The following UNC13C variants were observed in gnomAD, a reference collection of about 807,000 sequenced individuals.
UNC13C encodes the protein protein unc-13 homolog C.
UNC13C carries 174 observed loss-of-function variants against 245.4 expected under a neutral mutation model. That is an observed-to-expected ratio of 0.71 (90% confidence interval 0.63 to 0.80). The LOEUF is 0.80. Among genes scored for constraint, UNC13C ranks in the 30% least tolerant of loss-of-function variants. UNC13C has a pLI of 0.00. For missense variants in UNC13C, 2,829 were observed against 2,602.9 expected (o/e 1.09, Z -1.89); for synonymous variants, 992 against 895.1 (o/e 1.11, Z -1.93).
At position 54,389,982 on chromosome 15, in the gene UNC13C, G is replaced by A. The variant is rs377143402; in HGVS notation, c.4714-3066G>A. ...GACTTCAGGTAATCCACCTACCTCA[G>A]CCTCCCAAAGTGCTGGGATTACAGG... On this transcript the variant is annotated intron_variant, in intron 17 of 32. Coordinates refer to ENST00000260323, the MANE Select transcript of UNC13C (RefSeq NM_001080534.3). Among the ~76,000 whole-genome samples, 39 of 152,160 alleles carry A rather than the reference G, an allele frequency of 2.6e-4. No homozygotes were observed. In the South Asian group the frequency reaches 7.9e-3, roughly 31 times the overall value.
chr15:54,236,932 A>G (rs987101506), intron 6 of UNC13C, among the ~76,000 whole-genome samples: 2 of 152,076 alleles, frequency 1.3e-5, no homozygotes, highest in Admixed American at 6.5e-5. Context: ...CTGATTTCCA[A>G]CGTTCTCCAT....
intron 2 of UNC13C, among the ~76,000 whole-genome samples, chr15:54,036,621 G>C (rs1427001610): frequency 6.6e-6 from 1 of 152,100 alleles, no homozygotes; most frequent in African/African-American, 2.4e-5. Context: ...TTCTGCTTTG[G>C]CCTGAGCCTG....
At chr15:54,487,691 C>CAGG (rs1463374765) in intron 19 of UNC13C, among the ~76,000 whole-genome samples, 2 of 144,566 alleles carry the variant, frequency 1.4e-5, no homozygotes, top group East Asian at 4.1e-4. Flanking sequence ...TGCTTGACCT[C>CAGG]AGGAGGTGGA....
chr15:54,098,757 C>T (rs1435022096), intron 2 of UNC13C, among the ~76,000 whole-genome samples: 2 of 152,152 alleles, frequency 1.3e-5, no homozygotes, highest in East Asian at 1.9e-4. Flanking sequence ...ACCAGTAAAA[C>T]ATTTTGACCA....
intron 27 of UNC13C, among the ~76,000 whole-genome samples, chr15:54,547,087 A>G (rs571716443): frequency 1.3e-5 from 2 of 152,204 alleles, no homozygotes; most frequent in Admixed American, 1.3e-4. Context: ...AACATGTATC[A>G]AAGTTCTATT....
At chr15:54,481,605 G>T (rs1893123279) in intron 19 of UNC13C, among the ~76,000 whole-genome samples, 2 of 152,080 alleles carry the variant, frequency 1.3e-5, no homozygotes, top group Admixed American at 1.3e-4. Context: ...GGTGAGGCTG[G>T]GCTCTCAAAA....
At chr15:53,922,334 A>T in the UNC13C span, among the ~76,000 whole-genome samples, 32 of 152,358 alleles carry the variant, frequency 2.1e-4, no homozygotes, top group Non-Finnish European at 4.4e-4. Flanking sequence ...TTTAATCGAT[A>T]TTAATAGTTT....
chr15:54,473,878 C>G (rs1435351885), intron 19 of UNC13C, among the ~76,000 whole-genome samples: 1 of 147,766 alleles, frequency 6.8e-6, no homozygotes, highest in Non-Finnish European at 1.5e-5. Context: ...CATCTTTCCC[C>G]CTCCTACCTT....
chr15:54,219,314 T>A (rs1391920366), intron 4 of UNC13C, among the ~76,000 whole-genome samples: 39 of 151,428 alleles, frequency 2.6e-4, no homozygotes, highest in Non-Finnish European at 3.6e-4. Context: ...AACTATCTGA[T>A]CTTTGACAAA....
intron 30 of UNC13C, among the ~76,000 whole-genome samples, chr15:54,581,183 A>G (rs1162449166): frequency 6.6e-6 from 1 of 152,150 alleles, no homozygotes; most frequent in Non-Finnish European, 1.5e-5. Context: ...GGGAAGATGT[A>G]TGGTTCAAAG....
At chr15:53,904,682 AAAT>A in the UNC13C span, among the ~76,000 whole-genome samples, 1 of 152,174 alleles carries the variant, frequency 6.6e-6, no homozygotes, top group Non-Finnish European at 1.5e-5. Flanking sequence ...TTCTTGAATA[AAAT>A]GTTATTTTCA....
At chr15:53,848,887 C>T in the UNC13C span, among the ~76,000 whole-genome samples, 1 of 151,374 alleles carries the variant, frequency 6.6e-6, no homozygotes, top group Admixed American at 6.6e-5. Flanking sequence ...ACATTACCAG[C>T]TTCTCTCTCT....
chr15:54,433,251 G>C (rs1404852366), intron 19 of UNC13C, among the ~76,000 whole-genome samples: 1 of 151,976 alleles, frequency 6.6e-6, no homozygotes, highest in African/African-American at 2.4e-5. Context: ...GCATCATCCT[G>C]ATACCAAAAC....
At chr15:54,311,166 A>G (rs1293719796) in intron 13 of UNC13C, among the ~76,000 whole-genome samples, 1 of 151,696 alleles carries the variant, frequency 6.6e-6, no homozygotes, top group Non-Finnish European at 1.5e-5. Context: ...TCAGTATTTT[A>G]TTTTGCAAAA....
At position 54,355,420 on chromosome 15, in the gene UNC13C, G is replaced by A. The variant is rs189776604; in HGVS notation, c.4713+16931G>A. On this transcript the variant is annotated intron_variant, in intron 17 of 32. Transcript: ENST00000260323. ...CACCCAGGGTGGAGTGCCATGGCGC[G>A]ATCTCGGCTCACTGCAACCTCTGCC... Among the ~76,000 whole-genome samples, 20 of 151,864 alleles carry A rather than the reference G, an allele frequency of 1.3e-4. No individual in the cohort carries two copies. In the East Asian group the frequency reaches 2.7e-3, roughly 21 times the overall value.
the UNC13C span, among the ~76,000 whole-genome samples, chr15:53,934,904 C>G: frequency 6.6e-6 from 1 of 152,254 alleles, no homozygotes; most frequent in African/African-American, 2.4e-5. Context: ...AGTCAACTTC[C>G]AAAGGTCCCA....
chr15:53,899,175 T>A, the UNC13C span, among the ~76,000 whole-genome samples: 1 of 152,328 alleles, frequency 6.6e-6, no homozygotes, highest in East Asian at 1.9e-4. Flanking sequence ...ATTGCACTTA[T>A]TTATGTATAT....
At chr15:53,907,376 A>C in the UNC13C span, among the ~76,000 whole-genome samples, 1 of 152,198 alleles carries the variant, frequency 6.6e-6, no homozygotes, top group Non-Finnish European at 1.5e-5. Context: ...GATATATTTA[A>C]TTTTTGAAAT....
chr15:54,420,029 G>A (rs1477113091), intron 19 of UNC13C, among the ~76,000 whole-genome samples: 1 of 151,840 alleles, frequency 6.6e-6, no homozygotes, highest in Non-Finnish European at 1.5e-5. Context: ...AATTATTTTT[G>A]GTGTGCTTAA....
Sources: gnomAD v4.1 joint callset for allele counts (sites outside exome capture counted in the v4.1 genomes callset) on GRCh38, gnomAD v4.1.1 for gene constraint, MANE v1.5 for transcripts, NCBI Gene and HGNC (gene_info 2026-07-23, HGNC 2026-07-21) for gene names.